Variants in ATAD2 observed in about 807,000 individuals in gnomAD.
The protein encoded by ATAD2 is ATPase family AAA domain-containing protein 2.
A neutral mutation model predicts 168.9 loss-of-function variants in ATAD2; 62 were observed. The observed-to-expected ratio is 0.37, with a 90% CI of 0.30 to 0.45. The LOEUF (loss-of-function observed/expected upper bound fraction) is 0.45, where lower values mean the gene tolerates loss of function less well. Among genes scored for constraint, ATAD2 ranks in the 20% least tolerant of loss-of-function variants. ATAD2 has a pLI of 1.00. For missense variants in ATAD2, 1,419 were observed against 1,667.8 expected, an observed-to-expected ratio of 0.85 and a Z score of 2.60; for synonymous variants, 613 against 571.6, an observed-to-expected ratio of 1.07 and a Z score of -1.03.
Position 123,334,186 on chromosome 8 carries a change from A to G in ATAD2, c.3334+14T>C. ...ATATTAGGTTGGTACAAATCAACCA[A>G]ATCACTTTCCTACCTCTTTTCTTTC... On this transcript the variant is annotated intron_variant, in intron 23 of 27. Coordinates refer to ENST00000287394, the MANE Select transcript of ATAD2 (RefSeq NM_014109.4). 6.4e-7 allele frequency: 1 copy of G among 1,570,352 alleles called. No homozygotes were observed. Among genetic ancestry groups the G allele is most frequent in the Non-Finnish European group, 8.6e-7 (1 of 1,165,494 alleles).
intron 2 of ATAD2, among the ~76,000 whole-genome samples, chr8:123,373,542 A>ATGCT (rs1443205345): frequency 6.6e-6 from 1 of 152,134 alleles, no homozygotes; most frequent in African/African-American, 2.4e-5. Context: ...TAATCTCAGC[A>ATGCT]CTTTGGGAGG....
intron 19 of ATAD2, among the ~76,000 whole-genome samples, chr8:123,341,473 T>C (rs959737035): frequency 6.6e-6 from 1 of 152,192 alleles, no homozygotes; most frequent in Non-Finnish European, 1.5e-5. Context: ...TGGCTAACAA[T>C]CTTTTTTTTC....
chr8:123,373,275 A>G (rs565042514), intron 2 of ATAD2, among the ~76,000 whole-genome samples: 1 of 151,760 alleles, frequency 6.6e-6, no homozygotes, highest in South Asian at 2.1e-4. Context: ...TCCTGGCCTC[A>G]AGCAGTTCTC....
chr8:123,325,754 C>T (rs1345454759), intron 26 of ATAD2, 139 bp downstream of exon 26: 3 of 1,102,696 alleles, frequency 2.7e-6, no homozygotes, highest in East Asian at 2.6e-5. Flanking sequence ...AGGAGAAGAA[C>T]AGTAAAGGGA....
intron 1 of ATAD2, among the ~76,000 whole-genome samples, chr8:123,411,685 G>A (rs1457419177): frequency 1.3e-5 from 2 of 152,116 alleles, no homozygotes; most frequent in Non-Finnish European, 2.9e-5. Flanking sequence ...AGCTGGCAAC[G>A]GCAACCCCCT....
chr8:123,404,014 G>A (rs932650269), intron 1 of ATAD2, among the ~76,000 whole-genome samples: 8 of 152,138 alleles, frequency 5.3e-5, no homozygotes, highest in African/African-American at 1.7e-4. Flanking sequence ...TTAGACACCT[G>A]CTACAATCAG....
chr8:123,398,130 A>G (rs1255147867), upstream of ATAD2, among the ~76,000 whole-genome samples: 2 of 152,048 alleles, frequency 1.3e-5, no homozygotes, highest in Non-Finnish European at 2.9e-5. Context: ...TGAATGAAGA[A>G]TGCAATGTCT....
At chr8:123,401,161 G>A, upstream of ATAD2, 2 of 1,023,988 alleles carry the variant, frequency 2.0e-6, no homozygotes, top group East Asian at 2.4e-5. Flanking sequence ...GATGTTGAAA[G>A]AGGCAAATGA....
intron 25 of ATAD2, among the ~76,000 whole-genome samples, chr8:123,326,911 TTC>T (rs1448295466): frequency 6.6e-6 from 1 of 152,138 alleles, no homozygotes; most frequent in Non-Finnish European, 1.5e-5. Flanking sequence ...AGACTTTTCT[TTC>T]TTTTTTTTTG....
intron 18 of ATAD2, among the ~76,000 whole-genome samples, chr8:123,345,378 A>T (rs1276310601): frequency 6.6e-6 from 1 of 152,150 alleles, no homozygotes; most frequent in East Asian, 1.9e-4. Flanking sequence ...AAATGTTAAT[A>T]TAGCCAGGCG....
At chr8:123,369,205 GTA>G (rs5894661) in intron 7 of ATAD2, 30 bp from the exon 8 acceptor site, 19,454 of 596,844 alleles carry the variant, frequency 0.033, no homozygotes, top group Middle Eastern at 0.042. Flanking sequence ...ATATATATTT[GTA>G]TATATATATA....
intron 24 of ATAD2, among the ~76,000 whole-genome samples, chr8:123,331,991 A>C (rs935573541): frequency 6.6e-6 from 1 of 152,162 alleles, no homozygotes; most frequent in African/African-American, 2.4e-5. Flanking sequence ...CATTTGTTTA[A>C]ATTTCTCTTG....
intron 2 of ATAD2, among the ~76,000 whole-genome samples, chr8:123,377,275 G>GA (rs1259712952): frequency 6.6e-6 from 1 of 150,506 alleles, no homozygotes; most frequent in Non-Finnish European, 1.5e-5. Flanking sequence ...TTCTCAAAAA[G>GA]AAAAAAAGAA....
chr8:123,415,710 T>C (rs543352074), intron 1 of ATAD2, among the ~76,000 whole-genome samples: 1 of 152,226 alleles, frequency 6.6e-6, no homozygotes, highest in South Asian at 2.1e-4. Context: ...TTCTCTTGCC[T>C]CAGCCTCCCG....
At position 123,348,216 on chromosome 8, in the gene ATAD2, T is replaced by C; in HGVS notation, c.1864A>G (p.Thr622Ala). 6.2e-7 allele frequency: 1 copy of C among 1,601,608 alleles called. No individual in the cohort carries two copies. The highest frequency in any genetic ancestry group is 8.5e-7 in the Non-Finnish European group (1 of 1,176,686). ...TRDWNPKPLD[T>A]FLEELAENCV... is the part of the protein sequence containing the mutation. ...TTTTCTGCTAGCTCTTCTAAAAATG[T>C]GTCCAGTGGTTTGGGATTCCAATCC... is the stretch of plus-strand genomic sequence containing the variant. Residue 622 changes from threonine (T) to alanine (A), a missense_variant, in exon 15 of 28, where the codon ACA becomes GCA. By Grantham distance (58) the Thr-to-Ala change is moderately conservative (BLOSUM62 0). Coordinates refer to ENST00000287394, the MANE Select transcript of ATAD2 (RefSeq NM_014109.4).
At chr8:123,367,686 C>T (rs1167519679) in intron 8 of ATAD2, among the ~76,000 whole-genome samples, 1 of 152,162 alleles carries the variant, frequency 6.6e-6, no homozygotes, top group Non-Finnish European at 1.5e-5. Context: ...TGCAATTAAT[C>T]TTGAAAAGCC....
At chr8:123,380,810 A>G in intron 1 of ATAD2, 133 bp from the exon 2 acceptor site, 1 of 784,986 alleles carries the variant, frequency 1.3e-6, no homozygotes, top group African/African-American at 1.7e-5. Context: ...TATCTCCCCA[A>G]GAAACTACAA....
At chr8:123,361,723 T>A in intron 8 of ATAD2, 77 bp from the exon 9 acceptor site, 1 of 1,151,198 alleles carries the variant, frequency 8.7e-7, no homozygotes. Context: ...GCATCAGAAA[T>A]ACCTAATGCT....
intron 21 of ATAD2, 34 bp downstream of exon 21, chr8:123,337,591 T>C (rs766533472): frequency 2.0e-6 from 3 of 1,533,020 alleles, no homozygotes; most frequent in South Asian, 1.3e-5. Flanking sequence ...CATTATGGCC[T>C]AGAATACACT....
Sources: allele counts gnomAD v4.1 joint callset (sites outside exome capture counted in the v4.1 genomes callset), GRCh38; gene constraint gnomAD v4.1.1; transcripts MANE v1.5; gene names NCBI Gene and HGNC (gene_info 2026-07-23, HGNC 2026-07-21).